The following GABRG3 variants were observed in gnomAD, a reference collection of about 807,000 sequenced individuals.
GABRG3 encodes the protein gamma-aminobutyric acid receptor subunit gamma-3.
Under a neutral mutation model 48.8 loss-of-function variants are expected in GABRG3, and 25 were observed. The observed-to-expected ratio is 0.51, with a 90% confidence interval of 0.37 to 0.72. GABRG3 has a LOEUF of 0.72. Ranked by LOEUF, GABRG3 falls within the 30% of genes least tolerant of loss-of-function variation. GABRG3 has a pLI of 0.00. For missense variants in GABRG3, 394 were observed against 577.9 expected (o/e 0.68, Z 3.26); for synonymous variants, 227 against 217.6 (o/e 1.04, Z -0.38).
At chr15:27,019,316 C>T (rs541654665) in intron 2 of GABRG3, among the ~76,000 whole-genome samples, 2 of 152,060 alleles carry the variant, frequency 1.3e-5, no homozygotes, top group South Asian at 2.1e-4. Flanking sequence ...GTGATCCCCC[C>T]GCCTTGGCCT....
At chr15:27,116,636 C>T (rs1005276168) in intron 3 of GABRG3, among the ~76,000 whole-genome samples, 1 of 152,158 alleles carries the variant, frequency 6.6e-6, no homozygotes, top group African/African-American at 2.4e-5. Context: ...GTTTGTATTT[C>T]TCTAAAATTC....
intron 2 of GABRG3, among the ~76,000 whole-genome samples, chr15:26,986,704 A>G (rs1050772342): frequency 6.6e-6 from 1 of 152,206 alleles, no homozygotes; most frequent in South Asian, 2.1e-4. Context: ...CTGTTTGGCA[A>G]ATAACTCAGG....
chr15:27,319,584 A>G lies in GABRG3; in HGVS notation c.271-7225A>G, dbSNP rs146242670. ...GGGCAGGCTGTTGGCAAATATGCCA[A>G]TGCCACGGGAAGATGGCAGACAGGA... On this transcript the variant is annotated intron_variant, in intron 3 of 9. Transcript: ENST00000615808. This position sits in a 1 kb window ranked among gnomAD's most constrained non-coding sequence, Gnocchi z 4.4. 3.9e-3 allele frequency among the ~76,000 whole-genome samples: 601 copies of G among 152,290 alleles called. 10 individuals carry two copies. Among genetic ancestry groups the G allele is most frequent in the East Asian group, 0.029 (147 of 5,154 alleles).
chr15:27,479,048 G>C (rs1890031452), intron 5 of GABRG3, among the ~76,000 whole-genome samples: 1 of 151,882 alleles, frequency 6.6e-6, no homozygotes, highest in South Asian at 2.1e-4. Flanking sequence ...ACCACTACTT[G>C]GTCAGGTGGT....
chr15:27,141,077 G>A (rs1898093878), intron 3 of GABRG3, among the ~76,000 whole-genome samples: 1 of 152,146 alleles, frequency 6.6e-6, no homozygotes, highest in Non-Finnish European at 1.5e-5. Flanking sequence ...CTGCCTTAGA[G>A]GTAGTGTTTT....
chr15:27,282,007 G>A (rs1240264177), intron 3 of GABRG3, among the ~76,000 whole-genome samples: 1 of 152,066 alleles, frequency 6.6e-6, no homozygotes, highest in Non-Finnish European at 1.5e-5. Flanking sequence ...CAGAATTCTG[G>A]GTATGGGCAT....
intron 6 of GABRG3, among the ~76,000 whole-genome samples, chr15:27,494,040 A>G (rs1163193773): frequency 6.6e-6 from 1 of 152,096 alleles, no homozygotes; most frequent in Non-Finnish European, 1.5e-5. Context: ...TTTCTTTATC[A>G]TTTGATGTGA....
intron 3 of GABRG3, among the ~76,000 whole-genome samples, chr15:27,257,065 A>G (rs1425079923): frequency 6.6e-6 from 1 of 152,136 alleles, no homozygotes; most frequent in Non-Finnish European, 1.5e-5. Context: ...TTTTTACCAC[A>G]TCCTTGCCAA....
At chr15:27,144,049 A>C (rs960156822) in intron 3 of GABRG3, among the ~76,000 whole-genome samples, 2 of 152,240 alleles carry the variant, frequency 1.3e-5, no homozygotes, top group African/African-American at 4.8e-5. Context: ...AGTTGGTAAG[A>C]AGAATAGTAG....
In GABRG3 at chr15:27,240,630, A is replaced by T. The variant is rs80079851; in HGVS notation, c.271-86179A>T. Among the ~76,000 whole-genome samples the T allele has an allele frequency of 5.1e-3, 779 of 152,334 alleles. 8 individuals are homozygous for T. Among genetic ancestry groups the T allele is most frequent in the African/African-American group, 0.018 (744 of 41,580 alleles). ...TAACAGGGAATTATAACTTAATTTT[A>T]TCCACAAAGAACAACAAAGCAGCTG... On this transcript the variant is annotated intron_variant, in intron 3 of 9. Coordinates refer to ENST00000615808, the MANE Select transcript of GABRG3 (RefSeq NM_033223.5).
intron 3 of GABRG3, among the ~76,000 whole-genome samples, chr15:27,123,786 T>G (rs1897771663): frequency 6.6e-6 from 1 of 152,044 alleles, no homozygotes; most frequent in South Asian, 2.1e-4. Context: ...AGGATGATAA[T>G]GGAGGCATTG....
intron 7 of GABRG3, among the ~76,000 whole-genome samples, chr15:27,522,415 A>G (rs1891180076): frequency 6.6e-6 from 1 of 151,532 alleles, no homozygotes; most frequent in Admixed American, 6.6e-5. Flanking sequence ...AACATCAGAA[A>G]TGGTAAGTGT....
chr15:27,003,969 C>T (rs1156834157), intron 2 of GABRG3, among the ~76,000 whole-genome samples: 2 of 144,720 alleles, frequency 1.4e-5, no homozygotes, highest in Non-Finnish European at 3.0e-5. Flanking sequence ...GGGCGGCTGG[C>T]CGGGCGGGGG....
intron 3 of GABRG3, among the ~76,000 whole-genome samples, chr15:27,231,847 G>A (rs1889810247): frequency 6.6e-6 from 1 of 152,096 alleles, no homozygotes; most frequent in Admixed American, 6.5e-5. Context: ...TAAACGTTGT[G>A]AAACATATTA....
chr15:27,034,519 T>C (rs1157479215), intron 3 of GABRG3, among the ~76,000 whole-genome samples: 1 of 152,168 alleles, frequency 6.6e-6, no homozygotes, highest in Non-Finnish European at 1.5e-5. Context: ...AAGGTATACA[T>C]GTTAGTAAGT....
chr15:27,242,971 A>G (rs1890170164), intron 3 of GABRG3, among the ~76,000 whole-genome samples: 2 of 152,158 alleles, frequency 1.3e-5, no homozygotes, highest in Non-Finnish European at 2.9e-5. Context: ...CTATGTTCGG[A>G]TTTTTCCTCA....
chr15:27,197,581 G>A (rs187644439), intron 3 of GABRG3, among the ~76,000 whole-genome samples: 5 of 152,006 alleles, frequency 3.3e-5, no homozygotes, highest in Non-Finnish European at 5.9e-5. Flanking sequence ...GATGTTGAGC[G>A]GTGCATTTAG....
At chr15:27,403,629 T>G (rs1887535862) in intron 5 of GABRG3, among the ~76,000 whole-genome samples, 2 of 152,014 alleles carry the variant, frequency 1.3e-5, no homozygotes, top group Admixed American at 6.6e-5. Context: ...TTTAAAGAAC[T>G]CCTGGCCGGG....
intron 3 of GABRG3, among the ~76,000 whole-genome samples, chr15:27,296,538 G>A (rs1393666099): frequency 1.5e-4 from 23 of 152,080 alleles, no homozygotes; most frequent in Non-Finnish European, 1.5e-5. Flanking sequence ...ACATAATGAT[G>A]TGCTACATAA....
Sources: allele counts gnomAD v4.1 joint callset (sites outside exome capture counted in the v4.1 genomes callset), GRCh38; gene constraint gnomAD v4.1.1; non-coding constraint Gnocchi (gnomAD v3.1); transcripts MANE v1.5; gene names NCBI Gene and HGNC (gene_info 2026-07-23, HGNC 2026-07-21).